KCTD9: variants seen among roughly 807,000 people sequenced by gnomAD.
KCTD9 encodes the protein potassium channel tetramerization domain containing 9, also known as BTB/POZ domain-containing protein KCTD9.
In KCTD9, 17 loss-of-function variants were observed where a neutral mutation model predicts 53.3. The ratio of observed to expected loss-of-function variants is 0.32; its 90% CI spans 0.22 to 0.48. KCTD9 has a LOEUF of 0.48. KCTD9 is among the 20% of genes least tolerant of loss of function. The probability of loss-of-function intolerance (pLI) is 0.99; values close to 1 mark genes in which losing one functional copy is unlikely to be tolerated. For missense variants in KCTD9, 179 were observed against 465.5 expected, an observed-to-expected ratio of 0.38 and a Z score of 5.66; for synonymous variants, 128 against 162.7, an observed-to-expected ratio of 0.79 and a Z score of 1.62.
Position 25,458,428 on chromosome 8 carries a change from G to C in KCTD9, c.-182C>G. ...CTGTCCCACACCCAAGGTTCGGCCG[G>C]TCCTCCTTCCCACCCCGCCCCTAGG... On this transcript the variant is annotated 5_prime_UTR_variant, in exon 1 of 12. Coordinates refer to ENST00000221200, the MANE Select transcript of KCTD9 (RefSeq NM_017634.4). The C allele has an allele frequency of 1.5e-6, 1 of 685,606 alleles. No homozygotes were observed. Among genetic ancestry groups the C allele is most frequent in the South Asian group, 1.8e-5 (1 of 55,800 alleles). 42.5% of individuals were successfully genotyped at this position (685,606 alleles called of 1,614,324 possible). A position where few individuals can be genotyped will look rare whatever the true frequency, so the allele number is the denominator to read the frequency against.
rs1354998366 is a variant in KCTD9 at position 25,434,940 on chromosome 8, T to C, written c.813+423A>G. 3.3e-5 allele frequency among the ~76,000 whole-genome samples: 5 copies of C among 152,188 alleles called. No individual in the cohort carries two copies. In the South Asian group the frequency reaches 1.0e-3, roughly 32 times the overall value. Reference sequence around the variant, plus strand: ...TGAGATGTTAACTTCCACAAACTGATGCATACCATGTTTATTTCAAAATAT... The same window carrying C: ...TGAGATGTTAACTTCCACAAACTGACGCATACCATGTTTATTTCAAAATAT... On this transcript the variant is annotated intron_variant, in intron 9 of 11. Coordinates refer to ENST00000221200, the MANE Select transcript of KCTD9 (RefSeq NM_017634.4).
chr8:25,455,310 A>C (rs2117450291), intron 1 of KCTD9, among the ~76,000 whole-genome samples: 1 of 152,206 alleles, frequency 6.6e-6, no homozygotes, highest in African/African-American at 2.4e-5. Flanking sequence ...AAAAAATCTG[A>C]AGCCATTTGT....
chr8:25,433,169 A>G (rs1249890326), intron 10 of KCTD9, among the ~76,000 whole-genome samples, 161 bp downstream of exon 10: 1 of 152,196 alleles, frequency 6.6e-6, no homozygotes, highest in Non-Finnish European at 1.5e-5. Context: ...CTGAAACCAA[A>G]TGGAGGTTTC....
At chr8:25,436,779 ATTTAC>A (rs1802025155) in intron 6 of KCTD9, among the ~76,000 whole-genome samples, 1 of 148,964 alleles carries the variant, frequency 6.7e-6, no homozygotes, top group Non-Finnish European at 1.5e-5. Flanking sequence ...TTCATTTATC[ATTTAC>A]TTTAACTTGG....
At chr8:25,449,618 TGTGCTGTCCAGTGTGGAAGCCACTAGC>T (rs1802281363) in intron 1 of KCTD9, among the ~76,000 whole-genome samples, 1 of 152,212 alleles carries the variant, frequency 6.6e-6, no homozygotes, top group African/African-American at 2.4e-5. Context: ...GTTTTAAAGC[TGTGCTGTCCAGTGTGGAAGCCACTAGC>T]TTCATGAGTC....
rs986214476 is a variant in KCTD9, at chr8:25,457,915, TCCCCGCGCCCCCCGC to T, written c.48+269_48+283del. On this transcript the variant is annotated intron_variant, in intron 1 of 11. Transcript: ENST00000221200. ...GACCGCGGCCCTCCCCGCGCCCCCG[TCCCCGCGCCCCCCGC>T]ACCAAGCATCCGGGAGACCCGGAGC... Among the ~76,000 whole-genome samples, 286 of 143,156 alleles carry T rather than the reference TCCCCGCGCCCCCCGC, an allele frequency of 2.0e-3. 2 individuals carry two copies. The highest frequency in any genetic ancestry group is 2.0e-3 in the Non-Finnish European group (128 of 65,482). The allele number at this position is 143,156 out of a possible 152,430, so 93.9% of individuals were successfully genotyped here.
intron 1 of KCTD9, among the ~76,000 whole-genome samples, chr8:25,456,486 A>AT (rs1320466835): frequency 6.6e-6 from 1 of 152,202 alleles, no homozygotes; most frequent in Non-Finnish European, 1.5e-5. Context: ...ACGTCTTAGA[A>AT]TATGTTCATC....
chr8:25,450,481 A>C (rs759866787), intron 1 of KCTD9: 6 of 977,814 alleles, frequency 6.1e-6, no homozygotes, highest in Non-Finnish European at 7.3e-6. Context: ...AGTCTCTTAC[A>C]CTGTCATTAG....
At position 25,444,434 on chromosome 8, in the gene KCTD9, T is replaced by C. The variant is rs373074490; in HGVS notation, c.171-99A>G. 6 of 1,115,250 alleles carry C rather than the reference T, an allele frequency of 5.4e-6. No homozygotes were observed. The African/African-American group carries it at 6.4e-5, about 12-fold the overall frequency. The allele number at this position is 1,115,250 out of a possible 1,614,324, so 69.1% of individuals were successfully genotyped here. A position where few individuals can be genotyped will look rare whatever the true frequency, so the allele number is the denominator to read the frequency against. On this transcript the variant is annotated intron_variant, in intron 2 of 11. Transcript: ENST00000221200. ...CTATTCCTTACAATTATATAGACAATAGGTTTTGCTATCAATCTAGACTGC... is the reference window on the plus strand; with the variant it reads ...CTATTCCTTACAATTATATAGACAACAGGTTTTGCTATCAATCTAGACTGC...
chr8:25,449,981 C>A (rs1238271244), intron 1 of KCTD9, among the ~76,000 whole-genome samples: 1 of 152,202 alleles, frequency 6.6e-6, no homozygotes, highest in African/African-American at 2.4e-5. Flanking sequence ...TTCTTCCCCA[C>A]TGAAGTCAAA....
At chr8:25,442,507 TTA>T (rs1206086247) in intron 3 of KCTD9, among the ~76,000 whole-genome samples, 11 of 152,192 alleles carry the variant, frequency 7.2e-5, no homozygotes, top group Non-Finnish European at 1.3e-4. Context: ...ACATATAATT[TTA>T]TACCAAAATT....
intron 11 of KCTD9, 105 bp downstream of exon 11, chr8:25,432,399 T>C (rs1318439310): frequency 5.2e-6 from 5 of 956,834 alleles, no homozygotes; most frequent in Admixed American, 2.3e-5. Flanking sequence ...AGTCTTCCAA[T>C]CCAGTTTTAC....
intron 11 of KCTD9, among the ~76,000 whole-genome samples, chr8:25,430,919 TCC>T (rs1244513568): frequency 6.6e-6 from 1 of 151,784 alleles, no homozygotes; most frequent in African/African-American, 2.4e-5. Flanking sequence ...AACCTCCACC[TCC>T]AGGATTCGAG....
chr8:25,431,607 AC>A (rs1290238304), intron 11 of KCTD9, among the ~76,000 whole-genome samples: 1 of 152,140 alleles, frequency 6.6e-6, no homozygotes, highest in Non-Finnish European at 1.5e-5. Context: ...AGTACACAGT[AC>A]TAAAACCAAG....
At chr8:25,450,289 T>C (rs1017039551) in intron 1 of KCTD9, 17 of 977,010 alleles carry the variant, frequency 1.7e-5, no homozygotes, top group Non-Finnish European at 1.9e-5. Context: ...GGTGACCAAT[T>C]ATCCCTTGGT....
At chr8:25,457,703 G>A (rs1802482751) in intron 1 of KCTD9, 1 of 152,632 alleles carries the variant, frequency 6.6e-6, no homozygotes, top group African/African-American at 2.4e-5. Flanking sequence ...ACCTCGGATG[G>A]GAGATTTTGT....
At chr8:25,438,505 T>C (rs567986460) in intron 6 of KCTD9, among the ~76,000 whole-genome samples, 1 of 152,318 alleles carries the variant, frequency 6.6e-6, no homozygotes, top group South Asian at 2.1e-4. Flanking sequence ...CAGGTTTTCT[T>C]TAAAAACCAA....
chr8:25,446,779 A>G (rs936370550), intron 1 of KCTD9, among the ~76,000 whole-genome samples: 2 of 152,206 alleles, frequency 1.3e-5, no homozygotes, highest in African/African-American at 4.8e-5. Context: ...ACTGTTTATT[A>G]TATCATTAAC....
chr8:25,431,523 C>T (rs1801930425), intron 11 of KCTD9, among the ~76,000 whole-genome samples: 1 of 152,108 alleles, frequency 6.6e-6, no homozygotes, highest in Admixed American at 6.5e-5. Context: ...ATGTCAGCAG[C>T]TCTCCCCTCA....
Sources: gnomAD v4.1 joint callset for allele counts (sites outside exome capture counted in the v4.1 genomes callset) on GRCh38, gnomAD v4.1.1 for gene constraint, MANE v1.5 for transcripts, NCBI Gene and HGNC (gene_info 2026-07-23, HGNC 2026-07-21) for gene names.